The following TMEM131L variants were observed in gnomAD, a reference collection of about 807,000 sequenced individuals.
The protein encoded by TMEM131L is transmembrane 131 like, also known as transmembrane protein 131-like.
A neutral mutation model predicts 192.2 loss-of-function variants in TMEM131L; 54 were observed. The ratio of observed to expected loss-of-function variants is 0.28; its 90% CI spans 0.23 to 0.35. The LOEUF is 0.35. Among genes scored for constraint, TMEM131L ranks in the 10% least tolerant of loss-of-function variants. The pLI, the probability that TMEM131L is intolerant of heterozygous loss-of-function variation, is 1.00. For missense variants in TMEM131L, 1,888 were observed against 1,972.9 expected (o/e 0.96, Z 0.82); for synonymous variants, 701 against 704.9 (o/e 0.99, Z 0.09).
intron 7 of TMEM131L, among the ~76,000 whole-genome samples, chr4:153,559,974 G>A (rs186155707): frequency 6.6e-6 from 1 of 151,978 alleles, no homozygotes; most frequent in Non-Finnish European, 1.5e-5. Context: ...TTTCCCTCCT[G>A]CCACAGGTCC....
Position 153,551,118 on chromosome 4 carries a change from C to A in TMEM131L, c.308+977C>A, listed in dbSNP as rs138405280. On this transcript the variant is annotated intron_variant, in intron 4 of 34. Coordinates refer to ENST00000409959, the MANE Select transcript of TMEM131L (RefSeq NM_001131007.2). Reference sequence around the variant, plus strand: ...GAAAAGAACTTCTAATTAGTAGTTTCAAGAGCGAGAGGTAAAAGCACTGCT... The same window carrying A: ...GAAAAGAACTTCTAATTAGTAGTTTAAAGAGCGAGAGGTAAAAGCACTGCT... Among the ~76,000 whole-genome samples, 90 of 152,288 alleles carry A rather than the reference C, an allele frequency of 5.9e-4. 1 individual carries two copies. The highest frequency in any genetic ancestry group is 2.1e-3 in the African/African-American group (86 of 41,554).
intron 3 of TMEM131L, among the ~76,000 whole-genome samples, chr4:153,508,864 A>T (rs1372375020): frequency 1.3e-5 from 2 of 151,788 alleles, no homozygotes; most frequent in Admixed American, 6.6e-5. Flanking sequence ...GGTTGGTCTC[A>T]AACTCCTGAG....
At chr4:153,627,560 G>A (rs773504222) in intron 30 of TMEM131L, 45 bp from the exon 31 acceptor site, 7 of 1,451,476 alleles carry the variant, frequency 4.8e-6, no homozygotes, top group African/African-American at 2.8e-5. Context: ...GTATTTCCTC[G>A]TGCAGAAAAA....
chr4:153,510,294 C>G (rs1479053349), intron 3 of TMEM131L, among the ~76,000 whole-genome samples: 2 of 152,112 alleles, frequency 1.3e-5, no homozygotes, highest in Non-Finnish European at 2.9e-5. Context: ...AAGGGACATG[C>G]AGGCATTGAA....
rs1273702252 is a variant in TMEM131L at position 153,533,308 on chromosome 4, A to G, written c.240-16765A>G. On this transcript the variant is annotated intron_variant, in intron 3 of 34. Coordinates refer to ENST00000409959, the MANE Select transcript of TMEM131L (RefSeq NM_001131007.2). ...CCTCCTTCTTAATTCTTTTATTTCC[A>G]CATTGGCCACGTTCACCCCATTATA... 2.6e-5 allele frequency among the ~76,000 whole-genome samples: 4 copies of G among 151,828 alleles called. 1 individual carries two copies. Among genetic ancestry groups the G allele is most frequent in the Admixed American group, 2.6e-4 (4 of 15,254 alleles).
At chr4:153,616,987 C>A (rs1385455365) in intron 26 of TMEM131L, among the ~76,000 whole-genome samples, 1 of 152,002 alleles carries the variant, frequency 6.6e-6, no homozygotes, top group African/African-American at 2.4e-5. Flanking sequence ...TTATAGATGT[C>A]AAAAAATAGA....
chr4:153,580,881 A>G lies in TMEM131L; in HGVS notation c.716A>G (p.Asn239Ser), dbSNP rs781580128. 3.7e-6 allele frequency: 6 copies of G among 1,610,004 alleles called. No individual in the cohort carries two copies. The highest frequency in any genetic ancestry group is 5.1e-6 in the Non-Finnish European group (6 of 1,176,420). Residue 239 changes from asparagine (N) to serine (S), a missense_variant, in exon 8 of 35, where the codon AAT becomes AGT. Coordinates refer to ENST00000409959, the MANE Select transcript of TMEM131L (RefSeq NM_001131007.2). Reference protein sequence around the residue: ...LQVQLECSLHNKVCQQLKGCY... With the variant: ...LQVQLECSLHSKVCQQLKGCY... ...GTGCAACTGGAATGCAGTTTACATA[A>G]TAAAGTGTGTCAGCAATTAAAGGTA... is the stretch of plus-strand genomic sequence containing the variant.
chr4:153,538,589 C>T (rs1736520017), intron 3 of TMEM131L, among the ~76,000 whole-genome samples: 1 of 152,216 alleles, frequency 6.6e-6, no homozygotes, highest in South Asian at 2.1e-4. Context: ...TTCTGGCCGC[C>T]CTGAAAGGCT....
intron 3 of TMEM131L, among the ~76,000 whole-genome samples, chr4:153,541,089 G>T (rs560303939): frequency 6.6e-6 from 1 of 152,140 alleles, no homozygotes; most frequent in Non-Finnish European, 1.5e-5. Flanking sequence ...CTACCCTAGC[G>T]TCTAGGAAAG....
intron 14 of TMEM131L, 111 bp downstream of exon 14, chr4:153,586,490 G>A (rs1730708942): frequency 4.2e-6 from 3 of 714,914 alleles, no homozygotes; most frequent in African/African-American, 1.9e-5. Flanking sequence ...GTTCTTTAAG[G>A]CTAAGAAACT....
intron 7 of TMEM131L, among the ~76,000 whole-genome samples, chr4:153,571,095 G>T (rs548235128): frequency 3.0e-4 from 45 of 151,558 alleles, no homozygotes; most frequent in Non-Finnish European, 4.7e-4. Context: ...TTTTCGGTGT[G>T]TTCTCCCAAA....
chr4:153,587,602 A>G (rs1730782557), intron 14 of TMEM131L, 140 bp from the exon 15 acceptor site: 2 of 686,926 alleles, frequency 2.9e-6, no homozygotes, highest in Non-Finnish European at 5.3e-6. Context: ...TTCCTTAACA[A>G]TTAGAAAGTA....
chr4:153,499,107 A>G (rs1446977741), intron 3 of TMEM131L, among the ~76,000 whole-genome samples: 1 of 152,226 alleles, frequency 6.6e-6, no homozygotes, highest in Non-Finnish European at 1.5e-5. Flanking sequence ...TCCTAGGCAC[A>G]ACTCATGTCT....
chr4:153,602,787 G>A, intron 23 of TMEM131L, 60 bp downstream of exon 23: 1 of 1,470,860 alleles, frequency 6.8e-7, no homozygotes, highest in Non-Finnish European at 9.4e-7. Context: ...CAGGCAAGTT[G>A]TGTGAAAACG....
At chr4:153,552,956 TC>T (rs1737741813) in intron 4 of TMEM131L, among the ~76,000 whole-genome samples, 1 of 151,708 alleles carries the variant, frequency 6.6e-6, no homozygotes, top group East Asian at 1.9e-4. Context: ...TTTTTTTTTT[TC>T]CCTCAAACAC....
intron 2 of TMEM131L, among the ~76,000 whole-genome samples, chr4:153,470,882 C>T (rs371405219): frequency 6.6e-5 from 10 of 152,328 alleles, no homozygotes; most frequent in South Asian, 4.1e-4. Context: ...GCAACAGCCC[C>T]GCTGGTCATT....
chr4:153,602,425 T>A, intron 22 of TMEM131L, 87 bp downstream of exon 22: 1 of 1,527,118 alleles, frequency 6.5e-7, no homozygotes, highest in South Asian at 1.2e-5. Flanking sequence ...TAAGACATCT[T>A]ATGTTGTTTT....
chr4:153,499,166 G>A (rs532111309), intron 3 of TMEM131L, among the ~76,000 whole-genome samples: 21 of 152,334 alleles, frequency 1.4e-4, no homozygotes, highest in Non-Finnish European at 2.1e-4. Context: ...TGAACTAACC[G>A]TTTCAGGGCT....
chr4:153,467,040 C>T (rs572695859), intron 1 of TMEM131L, among the ~76,000 whole-genome samples, 171 bp from the exon 2 acceptor site: 2 of 152,334 alleles, frequency 1.3e-5, no homozygotes, highest in South Asian at 4.1e-4. Context: ...CGGCTCACAC[C>T]CCACCCATTG....
Sources: gnomAD v4.1 joint callset for allele counts (sites outside exome capture counted in the v4.1 genomes callset) on GRCh38, gnomAD v4.1.1 for gene constraint, MANE v1.5 for transcripts, NCBI Gene and HGNC (gene_info 2026-07-23, HGNC 2026-07-21) for gene names.